The following UGT1A9 variants were observed in gnomAD, a reference collection of about 807,000 sequenced individuals.
UGT1A9 encodes UDP glucuronosyltransferase family 1 member A9.
UGT1A9 carries 35 observed loss-of-function variants against 45.0 expected under a neutral mutation model. The ratio of observed to expected loss-of-function variants is 0.78; its 90% CI spans 0.59 to 1.03. The LOEUF is 1.03. Ranked by LOEUF, UGT1A9 falls within the 50% of genes least tolerant of loss-of-function variation. UGT1A9 has a pLI of 0.00. For synonymous variants in UGT1A9, 278 were observed against 250.6 expected (o/e 1.11, Z -1.03); for missense variants, 687 against 666.6 (o/e 1.03, Z -0.34).
intron 1 of UGT1A9, among the ~76,000 whole-genome samples, chr2:233,703,279 G>A (rs2075730151): frequency 6.6e-6 from 1 of 151,990 alleles, no homozygotes; most frequent in East Asian, 1.9e-4. Context: ...TTTCTGTAAG[G>A]TTGGTAGTAA....
At chr2:233,747,120 A>T in intron 1 of UGT1A9, 1 of 1,469,012 alleles carries the variant, frequency 6.8e-7, no homozygotes, top group Non-Finnish European at 9.2e-7. Context: ...ATGATTTGCT[A>T]AGTGGCTCAG....
At position 233,672,062 on chromosome 2, in the gene UGT1A9, C is replaced by T. The variant is rs144147859; in HGVS notation, c.128C>T (p.Ser43Leu). ...GGGAGCCACTGGTTCACCATGAGGT[C>T]GGTGGTGGAGAAACTCATTCTCAGG... is the stretch of plus-strand genomic sequence containing the variant. ...MDGSHWFTMRSVVEKLILRGH... is the reference protein window; with the variant it reads ...MDGSHWFTMRLVVEKLILRGH... Residue 43 changes from serine (S) to leucine (L), a missense_variant, in exon 1 of 5, where the codon TCG (serine) becomes TTG (leucine). Coordinates refer to ENST00000354728, the MANE Select transcript of UGT1A9 (RefSeq NM_021027.3). The T allele has an allele frequency of 2.6e-5, 42 of 1,613,896 alleles. No homozygotes were observed. The highest frequency in any genetic ancestry group is 2.1e-4 in the African/African-American group (16 of 74,882).
intron 4 of UGT1A9, 105 bp downstream of exon 4, chr2:233,768,544 T>TA: frequency 7.0e-7 from 1 of 1,425,890 alleles, no homozygotes; most frequent in East Asian, 2.6e-5. Flanking sequence ...GTTTCAAATA[T>TA]AAAAACAAAT....
In UGT1A9 at chr2:233,769,705, G is replaced by T. The variant is rs1699921958; in HGVS notation, c.1295+1266G>T. Reference sequence around the variant, plus strand: ...TGGTGGCACTGGATAAAAGATCAATGTTGGCTAGGCACCATGGCACACGCC... The same window carrying T: ...TGGTGGCACTGGATAAAAGATCAATTTTGGCTAGGCACCATGGCACACGCC... On this transcript the variant is annotated intron_variant, in intron 4 of 4. Transcript: ENST00000354728. This position sits in a 1 kb window ranked among gnomAD's most constrained non-coding sequence, Gnocchi z 4.4. The T allele has an allele frequency of 6.6e-7, 1 of 1,517,524 alleles. No homozygotes were observed. Among genetic ancestry groups the T allele is most frequent in the African/African-American group, 1.4e-5 (1 of 73,038 alleles). The allele number at this position is 1,517,524 out of a possible 1,614,324, so 94.0% of individuals were successfully genotyped here. A position where few individuals can be genotyped will look rare whatever the true frequency, so the allele number is the denominator to read the frequency against.
rs779879780 is a variant in UGT1A9 at position 233,772,123 on chromosome 2, AACAAC to A, written c.1296-137_1296-133del. ...GCAAGACTCTGTATCTAAAAACAAC[AACAAC>A]AACAATAATAGAAACAGGTTTCCTT... On this transcript the variant is annotated intron_variant, in intron 4 of 4. Transcript: ENST00000354728. 9.6e-4 allele frequency: 1,484 copies of A among 1,538,280 alleles called. 5 individuals are homozygous for A. The highest frequency in any genetic ancestry group is 4.4e-3 in the Admixed American group (222 of 50,484).
chr2:233,681,820 T>A, intron 1 of UGT1A9: 1 of 1,500,442 alleles, frequency 6.7e-7, no homozygotes, highest in Non-Finnish European at 8.9e-7. Context: ...AATTTTTTTT[T>A]AAATGAATGA....
At chr2:233,764,093 T>G (rs1018562208) in intron 1 of UGT1A9, among the ~76,000 whole-genome samples, 2 of 152,200 alleles carry the variant, frequency 1.3e-5, no homozygotes, top group African/African-American at 4.8e-5. Context: ...AAGCCTAAAC[T>G]AAAAATACAA....
intron 1 of UGT1A9, among the ~76,000 whole-genome samples, chr2:233,698,082 T>A (rs1434328705): frequency 6.6e-6 from 1 of 152,220 alleles, no homozygotes; most frequent in Non-Finnish European, 1.5e-5. Context: ...CTCTAATGAA[T>A]GTACTTTTTG....
At chr2:233,682,261 A>G (rs781510118) in intron 1 of UGT1A9, 11 of 1,614,066 alleles carry the variant, frequency 6.8e-6, no homozygotes, top group Non-Finnish European at 8.5e-7. Flanking sequence ...CATTTTCTCT[A>G]TTAACAAGTT....
intron 1 of UGT1A9, chr2:233,713,918 A>G (rs1452399293): frequency 2.5e-6 from 4 of 1,612,224 alleles, no homozygotes; most frequent in Non-Finnish European, 3.4e-6. Context: ...TAAAAAATGT[A>G]TTTACTTACA....
At chr2:233,736,786 G>A (rs774557184) in intron 1 of UGT1A9, among the ~76,000 whole-genome samples, 1 of 152,166 alleles carries the variant, frequency 6.6e-6, no homozygotes, top group Non-Finnish European at 1.5e-5. Context: ...CTCAGCTGCA[G>A]GTCTGTTGGA....
intron 1 of UGT1A9, chr2:233,693,961 T>A (rs2075191738): frequency 1.3e-6 from 2 of 1,580,192 alleles, no homozygotes; most frequent in South Asian, 2.4e-5. Flanking sequence ...CCTTGGAGGA[T>A]TTCCTGGAGA....
intron 1 of UGT1A9, among the ~76,000 whole-genome samples, chr2:233,739,930 G>GGGGA (rs1270425861): frequency 6.6e-6 from 1 of 151,694 alleles, no homozygotes; most frequent in Non-Finnish European, 1.5e-5. Context: ...ATCCCCATGT[G>GGGGA]TTAAGGTTGG....
Position 233,727,426 on chromosome 2 carries a change from C to G in UGT1A9, c.856-39608C>G, listed in dbSNP as rs186038062. On this transcript the variant is annotated intron_variant, in intron 1 of 4. Coordinates refer to ENST00000354728, the MANE Select transcript of UGT1A9 (RefSeq NM_021027.3). ...TGGGCCTCCTCAGGGTCTGGGAGTCCCAGACATGTGACAAGAAATCAGATG... is the reference window on the plus strand; with the variant it reads ...TGGGCCTCCTCAGGGTCTGGGAGTCGCAGACATGTGACAAGAAATCAGATG... 2.0e-5 allele frequency among the ~76,000 whole-genome samples: 3 copies of G among 152,090 alleles called. No homozygotes were observed. In the South Asian group the frequency reaches 6.2e-4, roughly 32 times the overall value.
chr2:233,717,700 C>T (rs781386473), intron 1 of UGT1A9: 1 of 445,996 alleles, frequency 2.2e-6, no homozygotes, highest in Non-Finnish European at 4.5e-6. Flanking sequence ...CTTTCTGGAG[C>T]AGGACGAGCC....
intron 1 of UGT1A9, among the ~76,000 whole-genome samples, chr2:233,680,159 T>C (rs2074477014): frequency 6.6e-6 from 1 of 152,226 alleles, no homozygotes. Flanking sequence ...GGTAATGTCA[T>C]GATTTTTCTT....
At position 233,750,714 on chromosome 2, in the gene UGT1A9, G is replaced by A. The variant is rs569716311; in HGVS notation, c.856-16320G>A. On this transcript the variant is annotated intron_variant, in intron 1 of 4. Coordinates refer to ENST00000354728, the MANE Select transcript of UGT1A9 (RefSeq NM_021027.3). ...TAAAAGAGGCCAAGGTAGAGCTCAG[G>A]CCATTGCTTCAGAGGGTGCAAACCT... The A allele has an allele frequency of 6.6e-5, 10 of 152,072 alleles. No individual in the cohort carries two copies. In the South Asian group the frequency reaches 8.3e-4, roughly 13 times the overall value. The allele number at this position is 152,072 out of a possible 1,614,324, so 9.4% of individuals were successfully genotyped here. A position where few individuals can be genotyped will look rare whatever the true frequency, so the allele number is the denominator to read the frequency against.
chr2:233,712,992 A>G, intron 1 of UGT1A9: 1 of 1,613,364 alleles, frequency 6.2e-7, no homozygotes, highest in Non-Finnish European at 8.5e-7. Context: ...TTCTGCTGAG[A>G]TGGCCACAGG....
intron 1 of UGT1A9, chr2:233,756,054 A>G (rs530980162): frequency 6.6e-6 from 1 of 152,352 alleles, no homozygotes; most frequent in East Asian, 1.9e-4. Flanking sequence ...ACTCCACTGT[A>G]CACTTGTGGG....
Sources: allele counts gnomAD v4.1 joint callset (sites outside exome capture counted in the v4.1 genomes callset), GRCh38; gene constraint gnomAD v4.1.1; non-coding constraint Gnocchi (gnomAD v3.1); transcripts MANE v1.5; gene names NCBI Gene and HGNC (gene_info 2026-07-23, HGNC 2026-07-21).